Variants in ABI3BP observed in about 807,000 individuals in gnomAD.
The protein encoded by ABI3BP is ABI family member 3 binding protein.
A neutral mutation model predicts 268.6 loss-of-function variants in ABI3BP; 216 were observed. The ratio of observed to expected loss-of-function variants is 0.80; its 90% CI spans 0.72 to 0.90. The LOEUF (loss-of-function observed/expected upper bound fraction) is 0.90, where lower values mean the gene tolerates loss of function less well. ABI3BP is among the 40% of genes least tolerant of loss of function. The pLI, the probability that ABI3BP is intolerant of heterozygous loss-of-function variation, is 0.00. For missense variants in ABI3BP, 2,090 were observed against 2,182.4 expected, an observed-to-expected ratio of 0.96 and a Z score of 0.84; for synonymous variants, 730 against 730.0, an observed-to-expected ratio of 1.00 and a Z score of 0.00.
At chr3:100,869,897 C>T (rs2153226005) in intron 9 of ABI3BP, among the ~76,000 whole-genome samples, 1 of 152,188 alleles carries the variant, frequency 6.6e-6, no homozygotes, top group East Asian at 1.9e-4. Flanking sequence ...TAATTTTTGG[C>T]AGGCCAAGTC....
rs371289294 is a variant in ABI3BP, at chr3:100,774,642, T to A, written c.4494A>T (p.Thr1498=). The A allele has an allele frequency of 6.3e-7, 1 of 1,586,150 alleles. No individual in the cohort carries two copies. The highest frequency in any genetic ancestry group is 8.6e-7 in the Non-Finnish European group (1 of 1,165,248). The change falls in exon 61 of 68, where the codon ACA becomes ACT. Residue 1498 remains threonine (T), a synonymous_variant. Transcript: ENST00000471714. The part of the protein sequence containing the change: ...ENITDFSSSP[T]RETDPLGKPR... Reference sequence around the variant, plus strand: ...GCTTCCCAAGAGGATCAGTTTCTCTTGTTGGGCTTGAGCTAAAGTCAGTTA... The same window carrying A: ...GCTTCCCAAGAGGATCAGTTTCTCTAGTTGGGCTTGAGCTAAAGTCAGTTA...
At chr3:100,882,647 G>A (rs2039950940) in intron 6 of ABI3BP, among the ~76,000 whole-genome samples, 1 of 151,952 alleles carries the variant, frequency 6.6e-6, no homozygotes, top group Non-Finnish European at 1.5e-5. Flanking sequence ...CATGCATGCA[G>A]GAAGTTGCTT....
intron 28 of ABI3BP, 144 bp downstream of exon 28, chr3:100,835,457 C>T: frequency 1.5e-6 from 1 of 651,520 alleles, no homozygotes; most frequent in Non-Finnish European, 2.5e-6. Flanking sequence ...ACTTTCAATA[C>T]ATTCAAAATG....
chr3:100,822,699 A>G (rs1248243051), intron 37 of ABI3BP, 27 bp from the exon 38 acceptor site: 1 of 1,519,490 alleles, frequency 6.6e-7, no homozygotes, highest in African/African-American at 1.4e-5. Context: ...TTGGGTTACA[A>G]CATAACTGCA....
intron 20 of ABI3BP, among the ~76,000 whole-genome samples, chr3:100,842,858 T>C (rs1281626142): frequency 1.3e-5 from 2 of 152,224 alleles, no homozygotes; most frequent in African/African-American, 2.4e-5. Flanking sequence ...TGTTTATTTT[T>C]GAAATGGAAA....
chr3:100,947,376 G>A (rs777097887), intron 1 of ABI3BP, among the ~76,000 whole-genome samples: 2 of 152,050 alleles, frequency 1.3e-5, no homozygotes, highest in Non-Finnish European at 2.9e-5. Flanking sequence ...TTTAGCCAAT[G>A]TTCGCAAAAT....
At chr3:100,829,514 CT>C in intron 33 of ABI3BP, 66 bp downstream of exon 33, 2 of 1,409,926 alleles carry the variant, frequency 1.4e-6, no homozygotes, top group Non-Finnish European at 9.7e-7. Flanking sequence ...TGCCCAGCTA[CT>C]TCATTCTCTT....
At chr3:100,757,483 C>A (rs1247921800) in intron 63 of ABI3BP, among the ~76,000 whole-genome samples, 1 of 152,072 alleles carries the variant, frequency 6.6e-6, no homozygotes, top group Non-Finnish European at 1.5e-5. Context: ...TAGAACAATT[C>A]CTTCAAAAGT....
chr3:100,782,734 G>GAAGAGAAAGGAGAAAATCAGT (rs1346604262), intron 57 of ABI3BP, among the ~76,000 whole-genome samples: 8 of 152,064 alleles, frequency 5.3e-5, no homozygotes, highest in African/African-American at 9.7e-5. Context: ...GAGGGAATGG[G>GAAGAGAAAGGAGAAAATCAGT]AAGAGAAAGG....
At chr3:100,753,262 AAT>A (rs2095433882) in intron 65 of ABI3BP, among the ~76,000 whole-genome samples, 1 of 151,978 alleles carries the variant, frequency 6.6e-6, no homozygotes, top group Non-Finnish European at 1.5e-5. Context: ...CAACTGCTTT[AAT>A]ATGACTTGTT....
At chr3:100,810,391 C>T in intron 49 of ABI3BP, 21 bp downstream of exon 49, 1 of 1,518,042 alleles carries the variant, frequency 6.6e-7, no homozygotes, top group Non-Finnish European at 8.8e-7. Flanking sequence ...TCATATATGA[C>T]ATACAAAATA....
intron 1 of ABI3BP, among the ~76,000 whole-genome samples, chr3:100,990,982 C>T (rs556767520): frequency 4.2e-4 from 64 of 152,262 alleles, no homozygotes; most frequent in Non-Finnish European, 8.4e-4. Flanking sequence ...TAACAATGGA[C>T]TTATTTATGA....
chr3:100,962,905 C>T (rs2079643184), intron 1 of ABI3BP, among the ~76,000 whole-genome samples: 2 of 152,136 alleles, frequency 1.3e-5, no homozygotes, highest in Admixed American at 1.3e-4. Flanking sequence ...GTTCTAGACT[C>T]TTATAGGAAA....
chr3:100,823,493 G>C lies in ABI3BP; in HGVS notation c.2768C>G (p.Pro923Arg). The change falls in exon 37 of 68, where the codon CCT becomes CGT. Residue 923 changes from proline (P) to arginine (R), a missense_variant. By Grantham distance (103) the Pro-to-Arg change is moderately radical. Transcript: ENST00000471714. ...TGAGGCCTCAGGTCTAAGAGTGACA[G>C]GTTCTAGGACTGTAGCAGGAACTGA... ...TKPVPATVLE[P>R]VTLRPEASTT... 2.0e-6 allele frequency: 3 copies of C among 1,534,832 alleles called. No homozygotes were observed. The highest frequency in any genetic ancestry group is 2.6e-6 in the Non-Finnish European group (3 of 1,146,264).
chr3:100,847,788 T>A, intron 18 of ABI3BP, 115 bp from the exon 19 acceptor site: 2 of 820,348 alleles, frequency 2.4e-6, no homozygotes, highest in Non-Finnish European at 4.1e-6. Flanking sequence ...AGTCAAAGTA[T>A]ACAATGAGTA....
In ABI3BP at chr3:100,829,583, A is replaced by G. The variant is rs1410841694; in HGVS notation, c.2540T>C (p.Leu847Pro). Residue 847 changes from leucine to proline, a missense_variant and splice_region_variant, in exon 33 of 68, where the codon CTG becomes CCG. Physicochemically the swap from Leu to Pro is moderately conservative, Grantham distance 98 (BLOSUM62 -3). Transcript: ENST00000471714. ...TCAAGCATGACCTACAAATTTACCC[A>G]GTTCAGTCTGAAGCTCTTCGGGACT... ...TLSPEELQTE[L>P]VPATIFEPVS... 4 of 1,535,188 alleles carry G rather than the reference A, an allele frequency of 2.6e-6. No homozygotes were observed. Among genetic ancestry groups the G allele is most frequent in the Non-Finnish European group, 3.5e-6 (4 of 1,146,094 alleles).
chr3:100,972,373 G>A (rs1425289265), intron 1 of ABI3BP, among the ~76,000 whole-genome samples: 1 of 152,128 alleles, frequency 6.6e-6, no homozygotes, highest in Non-Finnish European at 1.5e-5. Flanking sequence ...CAAGAGAAGT[G>A]ATGGATGACC....
intron 2 of ABI3BP, among the ~76,000 whole-genome samples, chr3:100,920,714 C>T (rs2059975778): frequency 6.6e-6 from 1 of 152,196 alleles, no homozygotes; most frequent in African/African-American, 2.4e-5. Context: ...AGCCACCACA[C>T]CCAGCCTATA....
chr3:100,852,337 CAA>C (rs987900636), intron 14 of ABI3BP, among the ~76,000 whole-genome samples: 2 of 152,158 alleles, frequency 1.3e-5, no homozygotes, highest in African/African-American at 4.8e-5. Flanking sequence ...GCAATTTGCC[CAA>C]AGTCTATTGC....
Sources: allele counts gnomAD v4.1 joint callset (sites outside exome capture counted in the v4.1 genomes callset), GRCh38; gene constraint gnomAD v4.1.1; transcripts MANE v1.5; gene names NCBI Gene and HGNC (gene_info 2026-07-23, HGNC 2026-07-21).